The following CAPN13 variants were observed in gnomAD, a reference collection of about 807,000 sequenced individuals.
The protein encoded by CAPN13 is calpain 13, also known as calpain-13.
A neutral mutation model predicts 98.4 loss-of-function variants in CAPN13; 90 were observed. The ratio of observed to expected loss-of-function variants is 0.92; its 90% CI spans 0.77 to 1.09. The LOEUF (loss-of-function observed/expected upper bound fraction) is 1.09, where lower values mean the gene tolerates loss of function less well. CAPN13 is among the 50% of genes least tolerant of loss of function. The pLI, the probability that CAPN13 is intolerant of heterozygous loss-of-function variation, is 0.00. For synonymous variants in CAPN13, 330 were observed against 305.5 expected, an observed-to-expected ratio of 1.08 and a Z score of -0.84; for missense variants, 887 against 841.3, an observed-to-expected ratio of 1.05 and a Z score of -0.67.
intron 2 of CAPN13, among the ~76,000 whole-genome samples, chr2:30,784,602 A>G (rs1674163497): frequency 6.6e-6 from 1 of 152,194 alleles, no homozygotes; most frequent in Non-Finnish European, 1.5e-5. Flanking sequence ...ACTAGTGCAA[A>G]AAACATTACT....
At chr2:30,758,983 C>T (rs111067268) in intron 7 of CAPN13, among the ~76,000 whole-genome samples, 17,012 of 131,102 alleles carry the variant, frequency 0.13, 1,449 homozygotes, top group Non-Finnish European at 0.19. Flanking sequence ...TTCCTTTCTT[C>T]CCCCCTTGCC....
intron 10 of CAPN13, 77 bp downstream of exon 10, chr2:30,752,976 G>A: frequency 6.7e-7 from 1 of 1,500,742 alleles, no homozygotes; most frequent in Admixed American, 1.7e-5. Context: ...GGACCAGAGA[G>A]AGCTGAAGCC....
At chr2:30,800,885 C>A (rs1216766116) in intron 1 of CAPN13, among the ~76,000 whole-genome samples, 3 of 152,044 alleles carry the variant, frequency 2.0e-5, no homozygotes, top group Non-Finnish European at 4.4e-5. Flanking sequence ...ATTCTTTTTT[C>A]TGGGAACTAA....
At chr2:30,797,954 G>A (rs573575332) in intron 1 of CAPN13, among the ~76,000 whole-genome samples, 1 of 152,354 alleles carries the variant, frequency 6.6e-6, no homozygotes, top group Non-Finnish European at 1.5e-5. Context: ...AGGTGTCCCT[G>A]AGGCCAAACA....
At chr2:30,799,705 C>T (rs1318780333) in intron 1 of CAPN13, among the ~76,000 whole-genome samples, 1 of 152,074 alleles carries the variant, frequency 6.6e-6, no homozygotes, top group East Asian at 1.9e-4. Context: ...CTGAGATAAC[C>T]TCTGATCCAC....
chr2:30,754,294 AC>A lies in CAPN13; in HGVS notation c.936del (p.Glu312AspfsTer39). The part of the protein sequence containing the change: ...SQLHKKREDG[E>X]FWMSCQDFQQ... ...TTGTATAAGAAGGGTAAATACCAAAACTCGCCATCTTCCCGTTTCTTATGTA... is the reference window on the plus strand; with the variant it reads ...TTGTATAAGAAGGGTAAATACCAAAATCGCCATCTTCCCGTTTCTTATGTA... On this transcript the variant is annotated frameshift_variant, in exon 9 of 23. Transcript: ENST00000295055. LOFTEE classifies it high-confidence loss of function. 1 of 1,603,296 alleles carries A rather than the reference AC, an allele frequency of 6.2e-7. No homozygotes were observed. The highest frequency in any genetic ancestry group is 8.5e-7 in the Non-Finnish European group (1 of 1,175,292).
chr2:30,787,376 G>GATACC lies in CAPN13; in HGVS notation c.-32-24_-32-20dup. The GATACC allele has an allele frequency of 6.5e-7, 1 of 1,539,306 alleles. No individual in the cohort carries two copies. Among genetic ancestry groups the GATACC allele is most frequent in the Non-Finnish European group, 8.8e-7 (1 of 1,139,992 alleles). ...TCCTTTCCTGTTGGTGAGAAAAAGG[G>GATACC]ATACCTTTGGGGTAAGCCATCAAGT... On this transcript the variant is annotated intron_variant, in intron 1 of 22. Coordinates refer to ENST00000295055, the MANE Select transcript of CAPN13 (RefSeq NM_144575.3).
intron 2 of CAPN13, among the ~76,000 whole-genome samples, chr2:30,786,214 T>G (rs991684861): frequency 1.3e-5 from 2 of 152,246 alleles, no homozygotes; most frequent in Non-Finnish European, 2.9e-5. Context: ...TAGACAGTGC[T>G]TGGCATTTAA....
At chr2:30,780,436 T>C (rs533775713) in intron 2 of CAPN13, among the ~76,000 whole-genome samples, 1 of 152,354 alleles carries the variant, frequency 6.6e-6, no homozygotes, top group African/African-American at 2.4e-5. Context: ...TCTAATAATA[T>C]GAAGTAGCAC....
chr2:30,742,273 G>C, intron 14 of CAPN13, 53 bp downstream of exon 14: 1 of 1,572,648 alleles, frequency 6.4e-7, no homozygotes, highest in Non-Finnish European at 8.7e-7. Context: ...GAAGCTCTTG[G>C]GGATGGGATG....
At chr2:30,758,263 GA>G in intron 7 of CAPN13, 126 bp from the exon 8 acceptor site, 9 of 633,782 alleles carry the variant, frequency 1.4e-5, no homozygotes, top group African/African-American at 3.8e-5. Flanking sequence ...GCTGCAGCCA[GA>G]AAAAAAATTG....
In CAPN13 at chr2:30,742,393, C is replaced by T. The variant is rs200420821; in HGVS notation, c.1446-34G>A. On this transcript the variant is annotated intron_variant, in intron 13 of 22. Transcript: ENST00000295055. ...TCAGAGGACAGTGTGACAAAGATGA[C>T]CAGCTCACCACTCAAAGGGGGCCTG... 9.1e-5 allele frequency: 145 copies of T among 1,594,268 alleles called. 2 individuals are homozygous for T. The African/African-American group carries it at 1.4e-3, about 16-fold the overall frequency.
chr2:30,728,595 A>G (rs1198003818), intron 22 of CAPN13, among the ~76,000 whole-genome samples: 1 of 152,202 alleles, frequency 6.6e-6, no homozygotes, highest in Non-Finnish European at 1.5e-5. Flanking sequence ...AGCAGGAAAA[A>G]GAGGGACAAG....
intron 2 of CAPN13, among the ~76,000 whole-genome samples, chr2:30,785,078 A>T (rs1388759624): frequency 1.3e-5 from 2 of 152,198 alleles, no homozygotes; most frequent in African/African-American, 4.8e-5. Context: ...TCTTTCTTGC[A>T]CGTGTGAACT....
intron 7 of CAPN13, among the ~76,000 whole-genome samples, chr2:30,759,273 T>C (rs1028429451): frequency 6.6e-6 from 1 of 151,872 alleles, no homozygotes; most frequent in Non-Finnish European, 1.5e-5. Flanking sequence ...CTGCCCCCTG[T>C]CTGGGGTAAC....
At chr2:30,776,092 A>C (rs374215698) in intron 3 of CAPN13, 47 bp from the exon 4 acceptor site, 2 of 1,279,038 alleles carry the variant, frequency 1.6e-6, no homozygotes, top group African/African-American at 2.9e-5. Flanking sequence ...CACACTTGGA[A>C]ACCCTCCCCC....
At chr2:30,741,645 C>A in intron 15 of CAPN13, 1 of 1,314,386 alleles carries the variant, frequency 7.6e-7, no homozygotes, top group Non-Finnish European at 9.7e-7. Flanking sequence ...CAATGCACCT[C>A]ACACCCCATA....
Position 30,763,081 on chromosome 2 carries a change from C to T in CAPN13, c.774+1G>A. ...CTGGACAGGCCAGCAGCCAGCCTTA[C>T]CTGCTCAGCCCCAGTCACAGTGTAG... On this transcript the variant is annotated splice_donor_variant, in intron 7 of 22. Transcript: ENST00000295055. LOFTEE classifies it high-confidence loss of function. 1.2e-6 allele frequency: 2 copies of T among 1,606,652 alleles called. No homozygotes were observed. Among genetic ancestry groups the T allele is most frequent in the Non-Finnish European group, 1.7e-6 (2 of 1,176,396 alleles).
At chr2:30,800,259 G>A (rs1367202913) in intron 1 of CAPN13, among the ~76,000 whole-genome samples, 1 of 152,218 alleles carries the variant, frequency 6.6e-6, no homozygotes, top group Non-Finnish European at 1.5e-5. Flanking sequence ...TTGCCTGCCA[G>A]TGACTCTGGG....
Sources: gnomAD v4.1 joint callset for allele counts (sites outside exome capture counted in the v4.1 genomes callset) on GRCh38, gnomAD v4.1.1 for gene constraint, MANE v1.5 for transcripts, NCBI Gene and HGNC (gene_info 2026-07-23, HGNC 2026-07-21) for gene names.